The following DIAPH3 variants were observed in gnomAD, a reference collection of about 807,000 sequenced individuals.
The protein encoded by DIAPH3 is diaphanous related formin 3.
DIAPH3 carries 117 observed loss-of-function variants against 144.3 expected under a neutral mutation model. The ratio of observed to expected loss-of-function variants is 0.81; its 90% CI spans 0.70 to 0.95. DIAPH3 has a LOEUF of 0.95. Among genes scored for constraint, DIAPH3 ranks in the 40% least tolerant of loss-of-function variants. The pLI is 0.00. For missense variants in DIAPH3, 1,421 were observed against 1,412.7 expected (o/e 1.01, Z -0.09); for synonymous variants, 519 against 488.9 (o/e 1.06, Z -0.81).
intron 2 of DIAPH3, among the ~76,000 whole-genome samples, chr13:60,123,310 T>G (rs1198587316): frequency 1.3e-5 from 2 of 152,170 alleles, no homozygotes; most frequent in East Asian, 3.8e-4. Flanking sequence ...GAGACCTTCT[T>G]TTTCCATATT....
At chr13:60,119,225 A>T (rs1346231506) in intron 2 of DIAPH3, among the ~76,000 whole-genome samples, 1 of 152,154 alleles carries the variant, frequency 6.6e-6, no homozygotes, top group Non-Finnish European at 1.5e-5. Flanking sequence ...ACACTCAAGA[A>T]CTCCTAAGGG....
intron 22 of DIAPH3, among the ~76,000 whole-genome samples, chr13:59,844,105 T>TAA (rs60906914): frequency 0.016 from 2,278 of 144,876 alleles, 65 homozygotes; most frequent in African/African-American, 0.055. Context: ...TCCCAGAACT[T>TAA]AAAAAAAAAA....
At chr13:60,113,909 T>C (rs2058634836) in intron 2 of DIAPH3, among the ~76,000 whole-genome samples, 1 of 152,182 alleles carries the variant, frequency 6.6e-6, no homozygotes, top group Non-Finnish European at 1.5e-5. Context: ...TCCCTAGTCT[T>C]CACCAACTGA....
At chr13:60,121,330 G>A (rs1483019724) in intron 2 of DIAPH3, among the ~76,000 whole-genome samples, 1 of 151,996 alleles carries the variant, frequency 6.6e-6, no homozygotes, top group East Asian at 1.9e-4. Flanking sequence ...AGGACACCAC[G>A]AATTCCACCA....
intron 24 of DIAPH3, among the ~76,000 whole-genome samples, chr13:59,827,701 G>A (rs1313618268): frequency 6.6e-6 from 1 of 152,028 alleles, no homozygotes; most frequent in Non-Finnish European, 1.5e-5. Context: ...GAGCATTAAA[G>A]AAGAGACCAT....
intron 20 of DIAPH3, among the ~76,000 whole-genome samples, chr13:59,902,433 C>T (rs2046491635): frequency 6.6e-6 from 1 of 152,160 alleles, no homozygotes; most frequent in Non-Finnish European, 1.5e-5. Context: ...GCTGATGTTG[C>T]CATGCTTCCT....
chr13:60,073,298 G>C (rs545489026), intron 4 of DIAPH3, among the ~76,000 whole-genome samples: 1 of 151,136 alleles, frequency 6.6e-6, no homozygotes, highest in Non-Finnish European at 1.5e-5. Context: ...AACAGAGCGG[G>C]ATGTTGTCTC....
intron 22 of DIAPH3, among the ~76,000 whole-genome samples, chr13:59,843,242 A>C (rs998386900): frequency 3.9e-5 from 6 of 152,202 alleles, no homozygotes; most frequent in Non-Finnish European, 7.3e-5. Context: ...TGGATATAGA[A>C]GTACATGTCT....
chr13:59,795,027 T>G (rs2039517647), intron 25 of DIAPH3, among the ~76,000 whole-genome samples: 1 of 152,260 alleles, frequency 6.6e-6, no homozygotes, highest in South Asian at 2.1e-4. Context: ...TCATAGTTCA[T>G]TCTGTAAATG....
At chr13:59,876,834 A>T (rs980219621) in intron 21 of DIAPH3, among the ~76,000 whole-genome samples, 1 of 152,166 alleles carries the variant, frequency 6.6e-6, no homozygotes, top group Non-Finnish European at 1.5e-5. Flanking sequence ...GTGGCTGTGG[A>T]TTAACTTTCC....
intron 24 of DIAPH3, among the ~76,000 whole-genome samples, chr13:59,826,586 C>A (rs1340788192): frequency 6.7e-6 from 1 of 149,166 alleles, no homozygotes; most frequent in Non-Finnish European, 1.5e-5. Flanking sequence ...GAATCAATAT[C>A]GTGAAAATGG....
In DIAPH3 at chr13:59,774,629, C is replaced by G. The variant is rs958148654; in HGVS notation, c.3259+99G>C. ...TTCTGAACAGTTGTTGCCCACGGCA[C>G]TGCATTCTTGACACACAACTTCAAA... On this transcript the variant is annotated intron_variant, in intron 26 of 27. Coordinates refer to ENST00000400324, the MANE Select transcript of DIAPH3 (RefSeq NM_001042517.2). 2.6e-6 allele frequency: 3 copies of G among 1,166,090 alleles called. No homozygotes were observed. The African/African-American group carries it at 4.5e-5, about 18-fold the overall frequency. 72.2% of individuals were successfully genotyped at this position (1,166,090 alleles called of 1,614,324 possible). A position where few individuals can be genotyped will look rare whatever the true frequency, so the allele number is the denominator to read the frequency against.
chr13:59,793,977 C>A (rs369222027), intron 25 of DIAPH3, among the ~76,000 whole-genome samples: 1 of 152,146 alleles, frequency 6.6e-6, no homozygotes, highest in African/African-American at 2.4e-5. Context: ...ACTTTACAAT[C>A]AAGCAAAGCA....
At chr13:59,841,616 C>G (rs2042349550) in intron 22 of DIAPH3, among the ~76,000 whole-genome samples, 1 of 151,910 alleles carries the variant, frequency 6.6e-6, no homozygotes, top group South Asian at 2.1e-4. Flanking sequence ...AATACATGCT[C>G]AGAAATGTTT....
chr13:60,071,295 G>T (rs2057196879), intron 4 of DIAPH3, among the ~76,000 whole-genome samples: 1 of 152,132 alleles, frequency 6.6e-6, no homozygotes, highest in Admixed American at 6.5e-5. Context: ...CATCAGGACA[G>T]ACAATAGCAG....
chr13:59,782,619 G>A (rs1381751606), intron 25 of DIAPH3, among the ~76,000 whole-genome samples: 1 of 152,154 alleles, frequency 6.6e-6, no homozygotes, highest in Non-Finnish European at 1.5e-5. Context: ...GGAAGAGGTT[G>A]ATTCTTGACC....
chr13:59,943,959 C>G (rs1047665468), intron 17 of DIAPH3, among the ~76,000 whole-genome samples: 1 of 152,020 alleles, frequency 6.6e-6, no homozygotes, highest in South Asian at 2.1e-4. Flanking sequence ...TGCCTGCAAA[C>G]CCAGCACTTT....
intron 4 of DIAPH3, among the ~76,000 whole-genome samples, chr13:60,075,233 G>A (rs2057341882): frequency 6.6e-6 from 1 of 151,894 alleles, no homozygotes; most frequent in African/African-American, 2.4e-5. Flanking sequence ...TATTTTTCTT[G>A]GGCAAATTGC....
At chr13:59,859,259 T>C (rs1297186606) in intron 22 of DIAPH3, among the ~76,000 whole-genome samples, 1 of 152,136 alleles carries the variant, frequency 6.6e-6, no homozygotes, top group Non-Finnish European at 1.5e-5. Context: ...CGGTGTCTGC[T>C]GACCCATACA....
Sources: gnomAD v4.1 joint callset for allele counts (sites outside exome capture counted in the v4.1 genomes callset) on GRCh38, gnomAD v4.1.1 for gene constraint, MANE v1.5 for transcripts, NCBI Gene and HGNC (gene_info 2026-07-23, HGNC 2026-07-21) for gene names.